The following TRIM33 variants were observed in gnomAD, a reference collection of about 807,000 sequenced individuals.
TRIM33 encodes E3 ubiquitin-protein ligase TRIM33.
A neutral mutation model predicts 125.4 loss-of-function variants in TRIM33; 20 were observed. The ratio of observed to expected loss-of-function variants is 0.16; its 90% confidence interval spans 0.11 to 0.23. TRIM33 has a LOEUF of 0.23. Among genes scored for constraint, TRIM33 ranks in the 10% least tolerant of loss-of-function variants. The pLI is 1.00. For missense variants in TRIM33, 920 were observed against 1,411.4 expected, an observed-to-expected ratio of 0.65 and a Z score of 5.58; for synonymous variants, 564 against 513.9, an observed-to-expected ratio of 1.10 and a Z score of -1.32.
At position 114,399,442 on chromosome 1, in the gene TRIM33, T is replaced by C. The variant is rs199769476; in HGVS notation, c.3120+15A>G. 1.1e-3 allele frequency: 1,824 copies of C among 1,609,974 alleles called. 3 individuals carry two copies. Among genetic ancestry groups the C allele is most frequent in the Non-Finnish European group, 1.4e-3 (1,624 of 1,177,390 alleles). Reference sequence around the variant, plus strand: ...ACTAACAAATCAAGACTCTATAGGTTGGAAGTTAACATACTTCATTAAACC... The same window carrying C: ...ACTAACAAATCAAGACTCTATAGGTCGGAAGTTAACATACTTCATTAAACC... On this transcript the variant is annotated intron_variant, in intron 18 of 19. Coordinates refer to ENST00000358465, the MANE Select transcript of TRIM33 (RefSeq NM_015906.4).
intron 1 of TRIM33, among the ~76,000 whole-genome samples, chr1:114,483,189 C>T (rs1054685267): frequency 6.6e-6 from 1 of 151,958 alleles, no homozygotes; most frequent in African/African-American, 2.4e-5. Context: ...CACTTGTAGT[C>T]CCAGCTACTC....
In TRIM33 at chr1:114,393,932, G is replaced by A. The variant is rs1349296446; in HGVS notation, c.*3716C>T. 1 of 221,192 alleles carries A rather than the reference G, an allele frequency of 4.5e-6. No homozygotes were observed. Among genetic ancestry groups the A allele is most frequent in the Non-Finnish European group, 9.1e-6 (1 of 110,308 alleles). The allele number at this position is 221,192 out of a possible 1,614,324, so 13.7% of individuals were successfully genotyped here. On this transcript the variant is annotated 3_prime_UTR_variant, in exon 20 of 20. Coordinates refer to ENST00000358465, the MANE Select transcript of TRIM33 (RefSeq NM_015906.4). ...CCTATAAAATCACCATCCAGGAGAG[G>A]ATTCTGACATGCTATTAGGCAACAG... is the stretch of plus-strand genomic sequence containing the variant.
chr1:114,418,022 G>A (rs991426999), intron 11 of TRIM33, among the ~76,000 whole-genome samples: 1 of 152,102 alleles, frequency 6.6e-6, no homozygotes, highest in Admixed American at 6.5e-5. Flanking sequence ...GCATCAGTTC[G>A]TTTTCACACT....
At chr1:114,472,594 G>T (rs1339005565) in intron 1 of TRIM33, among the ~76,000 whole-genome samples, 1 of 152,154 alleles carries the variant, frequency 6.6e-6, no homozygotes, top group Admixed American at 6.5e-5. Flanking sequence ...GCCAGGCATG[G>T]TGGTACCTGC....
intron 1 of TRIM33, among the ~76,000 whole-genome samples, chr1:114,485,256 G>C (rs1651605348): frequency 6.6e-6 from 1 of 151,492 alleles, no homozygotes; most frequent in Non-Finnish European, 1.5e-5. Flanking sequence ...CTTAAATAAA[G>C]GCGACTTTAA....
Position 114,472,767 on chromosome 1 carries a change from T to A in TRIM33, c.527-8379A>T, listed in dbSNP as rs1245473694. ...AACAAAACACAGAGGAAGGCCTTTG[T>A]GGCTCTTATAAAAATTCACAAGCAT... On this transcript the variant is annotated intron_variant, in intron 1 of 19. Coordinates refer to ENST00000358465, the MANE Select transcript of TRIM33 (RefSeq NM_015906.4). 6.6e-5 allele frequency among the ~76,000 whole-genome samples: 10 copies of A among 152,134 alleles called. 1 individual carries two copies.
Position 114,408,753 on chromosome 1 carries a change from A to G in TRIM33, c.2195-13T>C. The G allele has an allele frequency of 6.4e-7, 1 of 1,571,842 alleles. No individual in the cohort carries two copies. Among genetic ancestry groups the G allele is most frequent in the Non-Finnish European group, 8.7e-7 (1 of 1,148,588 alleles). ...GAATTGGATAAACCTAAAAAGTAGT[A>G]AGTCAAAATGAATATCAATGCATAT... On this transcript the variant is annotated splice_polypyrimidine_tract_variant and intron_variant, in intron 12 of 19. Coordinates refer to ENST00000358465, the MANE Select transcript of TRIM33 (RefSeq NM_015906.4).
At chr1:114,465,951 G>A (rs1328815260) in intron 1 of TRIM33, among the ~76,000 whole-genome samples, 1 of 151,228 alleles carries the variant, frequency 6.6e-6, no homozygotes, top group Non-Finnish European at 1.5e-5. Flanking sequence ...GGCGAGATAG[G>A]AGAATCGCTT....
At chr1:114,474,832 T>C (rs1650879748) in intron 1 of TRIM33, among the ~76,000 whole-genome samples, 1 of 149,950 alleles carries the variant, frequency 6.7e-6, no homozygotes, top group Admixed American at 6.7e-5. Context: ...GTGGAGGTTG[T>C]GGTGAGCCGA....
chr1:114,412,601 T>C (rs1166618061), intron 11 of TRIM33, among the ~76,000 whole-genome samples: 1 of 152,250 alleles, frequency 6.6e-6, no homozygotes, highest in Non-Finnish European at 1.5e-5. Context: ...CAGAGTTTTA[T>C]ATAATTTGAA....
chr1:114,472,882 T>C (rs1250122536), intron 1 of TRIM33, among the ~76,000 whole-genome samples: 1 of 151,442 alleles, frequency 6.6e-6, no homozygotes, highest in African/African-American at 2.4e-5. Context: ...GAAAAATAAC[T>C]CATGACATAC....
chr1:114,498,653 T>C (rs528536652), intron 1 of TRIM33, among the ~76,000 whole-genome samples: 59 of 151,182 alleles, frequency 3.9e-4, no homozygotes, highest in African/African-American at 1.4e-3. Flanking sequence ...AAATGTACAA[T>C]GTAATTAATA....
At chr1:114,430,172 G>A (rs1386020584) in intron 6 of TRIM33, among the ~76,000 whole-genome samples, 1 of 152,092 alleles carries the variant, frequency 6.6e-6, no homozygotes, top group African/African-American at 2.4e-5. Flanking sequence ...CCATCTTAAG[G>A]GGGTGGGGAA....
Position 114,405,585 on chromosome 1 carries a change from G to A in TRIM33, c.2593C>T (p.Arg865Ter). 6.2e-7 allele frequency: 1 copy of A among 1,614,164 alleles called. No individual in the cohort carries two copies. Among genetic ancestry groups the A allele is most frequent in the Non-Finnish European group, 8.5e-7 (1 of 1,180,032 alleles). ...CTTGCCGACCTGTGCATGAGGCTTC[G>A]AATTGGGGACTTTCCATTAACAAGG... ...SSLVNGKSPI[R>*]SLMHRSARIG... Residue 865 changes from arginine (R) to a stop codon, truncating the protein, a stop_gained, in exon 15 of 20, where the codon CGA (arginine) becomes TGA (stop). Transcript: ENST00000358465. LOFTEE classifies it high-confidence loss of function.
intron 13 of TRIM33, among the ~76,000 whole-genome samples, chr1:114,407,843 T>G (rs1049653068): frequency 1.3e-5 from 2 of 152,128 alleles, no homozygotes; most frequent in African/African-American, 4.8e-5. Flanking sequence ...CAGAAAGAAT[T>G]TATCCTATCT....
At chr1:114,427,135 T>A in intron 8 of TRIM33, 42 bp downstream of exon 8, 1 of 933,300 alleles carries the variant, frequency 1.1e-6, no homozygotes, top group Admixed American at 2.3e-5. Context: ...TCCTTCTAAT[T>A]CAGTGTTCCA....
At chr1:114,467,766 G>A (rs1461007919) in intron 1 of TRIM33, among the ~76,000 whole-genome samples, 2 of 152,058 alleles carry the variant, frequency 1.3e-5, no homozygotes, top group Non-Finnish European at 2.9e-5. Flanking sequence ...TACATAATGC[G>A]CTTAAAGTCA....
At chr1:114,485,177 C>T (rs1242934433) in intron 1 of TRIM33, among the ~76,000 whole-genome samples, 1 of 152,146 alleles carries the variant, frequency 6.6e-6, no homozygotes, top group Non-Finnish European at 1.5e-5. Context: ...AGTCATGATT[C>T]CATAATCTCA....
chr1:114,444,969 C>T (rs74113185), intron 4 of TRIM33, among the ~76,000 whole-genome samples: 10,513 of 151,928 alleles, frequency 0.069, 367 homozygotes, highest in South Asian at 0.075. Flanking sequence ...GAAATCTCAA[C>T]AGATAGATGG....
Sources: allele counts gnomAD v4.1 joint callset (sites outside exome capture counted in the v4.1 genomes callset), GRCh38; gene constraint gnomAD v4.1.1; transcripts MANE v1.5; gene names NCBI Gene and HGNC (gene_info 2026-07-23, HGNC 2026-07-21).